ANGPT2: variants seen among roughly 807,000 people sequenced by gnomAD.
The protein encoded by ANGPT2 is angiopoietin 2, also known as angiopoietin-2.
ANGPT2 carries 28 observed loss-of-function variants against 62.9 expected under a neutral mutation model. The observed-to-expected ratio is 0.44, with a 90% CI of 0.33 to 0.61. ANGPT2 has a LOEUF of 0.61. ANGPT2 is among the 20% of genes least tolerant of loss of function. The pLI is 0.03. For missense variants in ANGPT2, 727 were observed against 594.9 expected, an observed-to-expected ratio of 1.22 and a Z score of -2.31; for synonymous variants, 284 against 207.8, an observed-to-expected ratio of 1.37 and a Z score of -3.15.
Position 6,562,762 on chromosome 8 carries a change from C to A in ANGPT2, c.173G>T (p.Ser58Ile), listed in dbSNP as rs1171913210. The A allele has an allele frequency of 3.1e-6, 5 of 1,613,778 alleles. No individual in the cohort carries two copies. In the African/African-American group the frequency reaches 6.7e-5, roughly 22 times the overall value. The change falls in exon 1 of 9, where the codon AGC becomes ATC. Residue 58 changes from serine (S) to isoleucine (I), a missense_variant. Transcript: ENST00000629816. ...CTGCACAGCATTGGACACGTAGGGG[C>A]TGGAGGAAGAGCGGCAGTTGTCCAT... is the stretch of plus-strand genomic sequence containing the variant. ...PEMDNCRSSS[S>I]PYVSNAVQRD...
At chr8:6,537,997 A>G (rs1347462103) in intron 1 of ANGPT2, among the ~76,000 whole-genome samples, 2 of 152,162 alleles carry the variant, frequency 1.3e-5, no homozygotes, top group South Asian at 2.1e-4. Flanking sequence ...AAAGACCTTG[A>G]ATTTTCTGGT....
rs1812282093 is a variant in ANGPT2, at chr8:6,501,947, TG to T, written c.*1153del. The T allele has an allele frequency of 6.6e-6, 1 of 151,836 alleles. No homozygotes were observed. Among genetic ancestry groups the T allele is most frequent in the African/African-American group, 2.4e-5 (1 of 41,350 alleles). The allele number at this position is 151,836 out of a possible 1,614,324, so 9.4% of individuals were successfully genotyped here. A position where few individuals can be genotyped will look rare whatever the true frequency, so the allele number is the denominator to read the frequency against. ...TGAAACCCTTTTTTTTTTTTCAGTT[TG>T]CTGATTGACATAAAAAAACTTACTA... is the stretch of plus-strand genomic sequence containing the variant. On this transcript the variant is annotated 3_prime_UTR_variant, in exon 9 of 9. Transcript: ENST00000629816.
At position 6,554,611 on chromosome 8, in the gene ANGPT2, T is replaced by C. The variant is rs556759985; in HGVS notation, c.288+8036A>G. On this transcript the variant is annotated intron_variant, in intron 1 of 8. Coordinates refer to ENST00000629816, the MANE Select transcript of ANGPT2 (RefSeq NM_001118887.2). ...GTTTTTAAAATAGTAAAATATTAAA[T>C]ATCAACTATGAATATTTTGTGGTGG... Among the ~76,000 whole-genome samples, 3 of 152,328 alleles carry C rather than the reference T, an allele frequency of 2.0e-5. No individual in the cohort carries two copies. In the South Asian group the frequency reaches 6.2e-4, roughly 32 times the overall value.
At chr8:6,553,082 T>C (rs1823949961) in intron 1 of ANGPT2, among the ~76,000 whole-genome samples, 1 of 152,120 alleles carries the variant, frequency 6.6e-6, no homozygotes, top group African/African-American at 2.4e-5. Flanking sequence ...CAGCACCAGA[T>C]GTCAACTGCG....
At chr8:6,528,267 A>C (rs1327560450) in intron 2 of ANGPT2, among the ~76,000 whole-genome samples, 1 of 152,096 alleles carries the variant, frequency 6.6e-6, no homozygotes, top group African/African-American at 2.4e-5. Flanking sequence ...ACTAAATGTT[A>C]TTTTTCTAGT....
At chr8:6,507,381 C>T (rs1287661139) in intron 8 of ANGPT2, among the ~76,000 whole-genome samples, 13 of 152,076 alleles carry the variant, frequency 8.5e-5, no homozygotes, top group African/African-American at 3.1e-4. Context: ...GCCAATTTTC[C>T]TGTTATTCTT....
intron 2 of ANGPT2, among the ~76,000 whole-genome samples, chr8:6,528,010 C>G (rs927620714): frequency 7.9e-5 from 12 of 151,800 alleles, no homozygotes; most frequent in African/African-American, 1.7e-4. Flanking sequence ...ATTCTTCTGC[C>G]TCATTCTCCC....
intron 1 of ANGPT2, among the ~76,000 whole-genome samples, chr8:6,551,918 A>G (rs906370872): frequency 2.6e-5 from 4 of 152,176 alleles, no homozygotes; most frequent in African/African-American, 9.7e-5. Context: ...GTATGTAATA[A>G]TTTTTTGAGA....
rs887738044 is a variant in ANGPT2 at position 6,538,513 on chromosome 8, G to A, written c.289-6026C>T. On this transcript the variant is annotated intron_variant, in intron 1 of 8. Transcript: ENST00000629816. ...AGACACACACCGCCTCCTGACTGGC[G>A]CCCCTGATCTTGTGGGCCTCAGACC... 1.4e-4 allele frequency among the ~76,000 whole-genome samples: 21 copies of A among 152,202 alleles called. No individual in the cohort carries two copies. In the East Asian group the frequency reaches 3.9e-3, roughly 28 times the overall value.
intron 3 of ANGPT2, among the ~76,000 whole-genome samples, chr8:6,525,602 C>T (rs1261273859): frequency 6.6e-6 from 1 of 152,070 alleles, no homozygotes; most frequent in East Asian, 1.9e-4. Flanking sequence ...GTGGTTTGTC[C>T]AATGTGAAAC....
Position 6,539,092 on chromosome 8 carries a change from C to CAGT in ANGPT2, c.289-6608_289-6606dup, listed in dbSNP as rs545640801. 2.7e-3 allele frequency among the ~76,000 whole-genome samples: 409 copies of CAGT among 152,232 alleles called. 1 individual carries two copies. Among genetic ancestry groups the CAGT allele is most frequent in the Non-Finnish European group, 5.0e-3 (337 of 68,028 alleles). ...GCTGCCTAAGCAGCTGTGTACTCAG[C>CAGT]AGTACTTCATGGCAGAGGCTGAGCC... is the stretch of plus-strand genomic sequence containing the variant. On this transcript the variant is annotated intron_variant, in intron 1 of 8. Transcript: ENST00000629816.
At chr8:6,529,301 A>G (rs1014881857) in intron 2 of ANGPT2, among the ~76,000 whole-genome samples, 1 of 152,176 alleles carries the variant, frequency 6.6e-6, no homozygotes, top group Non-Finnish European at 1.5e-5. Context: ...TCTCATTCTG[A>G]CAGGCTTGGA....
At chr8:6,505,240 ATATATATTCTTTATATATGTTT>A (rs1242434524) in intron 8 of ANGPT2, among the ~76,000 whole-genome samples, 4 of 790 alleles carry the variant, frequency 5.1e-3, no homozygotes, top group Admixed American at 0.02. Flanking sequence ...TATATATAGA[ATATATATTCTTTATATATGTTT>A]TATATATATG....
intron 7 of ANGPT2, among the ~76,000 whole-genome samples, chr8:6,512,003 A>G (rs1451873672): frequency 6.6e-6 from 1 of 151,972 alleles, no homozygotes; most frequent in Non-Finnish European, 1.5e-5. Flanking sequence ...TTGTGTCTCA[A>G]AATTCATTGA....
intron 3 of ANGPT2, 91 bp from the exon 4 acceptor site, chr8:6,521,501 T>C: frequency 1.1e-6 from 1 of 939,454 alleles, no homozygotes; most frequent in Non-Finnish European, 1.5e-6. Flanking sequence ...GGTACTCTGT[T>C]AAGATATTGT....
At chr8:6,556,145 CT>C (rs538920544) in intron 1 of ANGPT2, among the ~76,000 whole-genome samples, 9 of 149,082 alleles carry the variant, frequency 6.0e-5, no homozygotes, top group African/African-American at 4.9e-5. Context: ...CTCAGGCTCA[CT>C]TTTTTTTTTA....
At chr8:6,513,948 G>A in intron 6 of ANGPT2, 104 bp from the exon 7 acceptor site, 1 of 1,137,840 alleles carries the variant, frequency 8.8e-7, no homozygotes, top group Non-Finnish European at 1.2e-6. Flanking sequence ...TCAAATAGCA[G>A]AAATTCCTTC....
In ANGPT2 at chr8:6,557,712, C is replaced by CAT. The variant is rs1554452303; in HGVS notation, c.288+4934_288+4935insAT. On this transcript the variant is annotated intron_variant, in intron 1 of 8. Transcript: ENST00000629816. Reference sequence around the variant, plus strand: ...GTACACACACACACACACACACACACACATACATATATACAGGGAGAGATA... The same window carrying CAT: ...GTACACACACACACACACACACACACATACATACATATATACAGGGAGAGATA... Among the ~76,000 whole-genome samples, 409 of 150,662 alleles carry CAT rather than the reference C, an allele frequency of 2.7e-3. 5 individuals carry two copies. In the East Asian group the frequency reaches 0.042, roughly 15 times the overall value.
At chr8:6,505,503 GTATATATAGAATAT>G (rs1563307556) in intron 8 of ANGPT2, among the ~76,000 whole-genome samples, 898 of 3,988 alleles carry the variant, frequency 0.23, 141 homozygotes, top group African/African-American at 0.36. Context: ...CTTTATATAT[GTATATATAGAATAT>G]ATATTCTTTA....
Sources: gnomAD v4.1 joint callset for allele counts (sites outside exome capture counted in the v4.1 genomes callset) on GRCh38, gnomAD v4.1.1 for gene constraint, MANE v1.5 for transcripts, NCBI Gene and HGNC (gene_info 2026-07-23, HGNC 2026-07-21) for gene names.